Variants in CDKAL1 observed in about 807,000 individuals in gnomAD.
CDKAL1 encodes the protein CDKAL1 threonylcarbamoyladenosine tRNA methylthiotransferase, also known as threonylcarbamoyladenosine tRNA methylthiotransferase.
Under a neutral mutation model 68.2 loss-of-function variants are expected in CDKAL1, and 32 were observed. The ratio of observed to expected loss-of-function variants is 0.47; its 90% CI spans 0.35 to 0.63. CDKAL1 has a LOEUF of 0.63. Among genes scored for constraint, CDKAL1 ranks in the 30% least tolerant of loss-of-function variants. CDKAL1 has a pLI of 0.00. For missense variants in CDKAL1, 606 were observed against 696.7 expected (o/e 0.87, Z 1.47); for synonymous variants, 234 against 244.3 (o/e 0.96, Z 0.39).
At chr6:21,002,717 G>T (rs1465168702) in intron 11 of CDKAL1, among the ~76,000 whole-genome samples, 4 of 152,012 alleles carry the variant, frequency 2.6e-5, no homozygotes, top group Non-Finnish European at 4.4e-5. Flanking sequence ...GCCCAGTGCG[G>T]TGGCTCACAC....
At chr6:20,622,147 C>A (rs1419882490) in intron 4 of CDKAL1, among the ~76,000 whole-genome samples, 2 of 151,846 alleles carry the variant, frequency 1.3e-5, no homozygotes, top group African/African-American at 2.4e-5. Context: ...CAGCTTTATT[C>A]TTTACCTTTT....
At chr6:20,871,674 C>T (rs1255176371) in intron 9 of CDKAL1, among the ~76,000 whole-genome samples, 1 of 152,066 alleles carries the variant, frequency 6.6e-6, no homozygotes, top group Non-Finnish European at 1.5e-5. Flanking sequence ...TGACCAAGAC[C>T]TCTAGTTGAT....
At chr6:21,103,625 G>A (rs1163042977) in intron 12 of CDKAL1, among the ~76,000 whole-genome samples, 1 of 152,126 alleles carries the variant, frequency 6.6e-6, no homozygotes, top group African/African-American at 2.4e-5. Flanking sequence ...GACGCAGCAT[G>A]TAATTACTTT....
At chr6:20,862,155 T>C (rs1422088325) in intron 9 of CDKAL1, among the ~76,000 whole-genome samples, 5 of 152,228 alleles carry the variant, frequency 3.3e-5, no homozygotes, top group African/African-American at 9.6e-5. Context: ...ATTATAGTTT[T>C]AACAATTACT....
At chr6:21,066,385 A>C (rs1582129510) in intron 12 of CDKAL1, among the ~76,000 whole-genome samples, 1 of 152,208 alleles carries the variant, frequency 6.6e-6, no homozygotes, top group East Asian at 1.9e-4. Flanking sequence ...TAACACCACA[A>C]ATCGTTAACT....
At chr6:20,719,438 A>T (rs1581440262) in intron 5 of CDKAL1, among the ~76,000 whole-genome samples, 1 of 152,116 alleles carries the variant, frequency 6.6e-6, no homozygotes, top group Non-Finnish European at 1.5e-5. Flanking sequence ...GTACATAGGA[A>T]TTTTTCCAGC....
intron 7 of CDKAL1, among the ~76,000 whole-genome samples, chr6:20,775,553 G>A (rs961559780): frequency 6.6e-6 from 1 of 152,110 alleles, no homozygotes; most frequent in African/African-American, 2.4e-5. Flanking sequence ...GGACAAATTT[G>A]CTCCAAAAAT....
At chr6:20,861,587 C>G (rs1204112339) in intron 9 of CDKAL1, among the ~76,000 whole-genome samples, 1 of 152,132 alleles carries the variant, frequency 6.6e-6, no homozygotes, top group Non-Finnish European at 1.5e-5. Context: ...TTGAAAAATC[C>G]TTGGTAGACT....
chr6:20,953,788 G>A (rs894842919), intron 9 of CDKAL1, among the ~76,000 whole-genome samples: 1 of 152,146 alleles, frequency 6.6e-6, no homozygotes, highest in Admixed American at 6.5e-5. Context: ...AAATGATTAA[G>A]ATTAAGCAAA....
intron 5 of CDKAL1, among the ~76,000 whole-genome samples, chr6:20,704,271 T>G (rs1771502301): frequency 6.6e-6 from 1 of 152,158 alleles, no homozygotes. Flanking sequence ...TAAAGAAAGG[T>G]AACATGTAAG....
chr6:20,713,647 C>A (rs1362423762), intron 5 of CDKAL1, among the ~76,000 whole-genome samples: 1 of 152,086 alleles, frequency 6.6e-6, no homozygotes, highest in African/African-American at 2.4e-5. Flanking sequence ...ATACACTGTA[C>A]AATGAAAATA....
chr6:20,657,982 T>C (rs934906199), intron 5 of CDKAL1, among the ~76,000 whole-genome samples: 1 of 149,688 alleles, frequency 6.7e-6, no homozygotes, highest in Non-Finnish European at 1.5e-5. Flanking sequence ...CCATTTTGAT[T>C]TAGACAATAT....
At chr6:21,220,561 T>C (rs1192757689) in intron 15 of CDKAL1, among the ~76,000 whole-genome samples, 1 of 152,226 alleles carries the variant, frequency 6.6e-6, no homozygotes, top group Non-Finnish European at 1.5e-5. Flanking sequence ...AAGATTTCTA[T>C]ACTGTGTTAT....
chr6:21,175,755 C>T (rs1302797847), intron 13 of CDKAL1, among the ~76,000 whole-genome samples: 2 of 152,150 alleles, frequency 1.3e-5, no homozygotes, highest in African/African-American at 2.4e-5. Flanking sequence ...CTTTTATCTC[C>T]TAAAGTTGTG....
intron 6 of CDKAL1, among the ~76,000 whole-genome samples, chr6:20,749,122 A>G (rs1310836203): frequency 6.6e-6 from 1 of 152,176 alleles, no homozygotes; most frequent in African/African-American, 2.4e-5. Context: ...AGTCATACCA[A>G]CTAATAGAGA....
intron 10 of CDKAL1, among the ~76,000 whole-genome samples, chr6:20,995,485 G>A (rs141000860): frequency 1.5e-3 from 229 of 152,330 alleles, no homozygotes; most frequent in African/African-American, 5.0e-3. Flanking sequence ...TAGCAGGCAC[G>A]AAAACATTAA....
At chr6:20,866,579 CAG>C (rs1295954462) in intron 9 of CDKAL1, among the ~76,000 whole-genome samples, 1 of 152,144 alleles carries the variant, frequency 6.6e-6, no homozygotes, top group African/African-American at 2.4e-5. Context: ...AATATTCACA[CAG>C]ATATTATTTT....
At chr6:20,661,261 A>G (rs1169973915) in intron 5 of CDKAL1, among the ~76,000 whole-genome samples, 1 of 152,136 alleles carries the variant, frequency 6.6e-6, no homozygotes, top group Non-Finnish European at 1.5e-5. Flanking sequence ...TATTCATCTT[A>G]TGTCACAGTT....
chr6:20,610,499 C>CTT (rs11452882), intron 4 of CDKAL1, among the ~76,000 whole-genome samples: 25 of 148,362 alleles, frequency 1.7e-4, no homozygotes, highest in South Asian at 4.3e-4. Context: ...GTTTTTTTTT[C>CTT]TTTTTTTTTG....
Sources: allele counts gnomAD v4.1 joint callset (sites outside exome capture counted in the v4.1 genomes callset), GRCh38; gene constraint gnomAD v4.1.1; transcripts MANE v1.5; gene names NCBI Gene and HGNC (gene_info 2026-07-23, HGNC 2026-07-21).